Variants in ENTREP1 observed in about 807,000 individuals in gnomAD.
ENTREP1 encodes endosomal transmembrane epsin interactor 1, also known as Friedreich ataxia region gene X123.
chr9:69,392,134 C>T, the ENTREP1 span: 5 of 341,972 alleles, frequency 1.5e-5, no homozygotes, highest in South Asian at 8.6e-5. Context: ...CTTCACCCCT[C>T]GTGTCTCTCT....
the ENTREP1 span, among the ~76,000 whole-genome samples, chr9:69,333,391 A>G: frequency 1.3e-5 from 2 of 151,204 alleles, no homozygotes; most frequent in East Asian, 1.9e-4. Context: ...TGCACCCTCT[A>G]CCTCCTGGGT....
chr9:69,360,082 G>C, the ENTREP1 span, among the ~76,000 whole-genome samples: 1 of 151,400 alleles, frequency 6.6e-6, no homozygotes, highest in Non-Finnish European at 1.5e-5. Context: ...AAGATTATTC[G>C]GCTAGTAAGC....
At chr9:69,332,652 A>C in the ENTREP1 span, among the ~76,000 whole-genome samples, 1 of 152,208 alleles carries the variant, frequency 6.6e-6, no homozygotes, top group South Asian at 2.1e-4. Flanking sequence ...ACCATATGCA[A>C]ACAAAATACC....
At chr9:69,362,487 G>A in the ENTREP1 span, among the ~76,000 whole-genome samples, 180 of 152,236 alleles carry the variant, frequency 1.2e-3, no homozygotes, top group African/African-American at 3.9e-3. Flanking sequence ...AATTCGTTTT[G>A]CATAAAGGCA....
the ENTREP1 span, among the ~76,000 whole-genome samples, chr9:69,373,324 G>A: frequency 6.6e-6 from 1 of 152,138 alleles, no homozygotes; most frequent in South Asian, 2.1e-4. Context: ...AAACCTTTTT[G>A]GGCAAGGGGT....
the ENTREP1 span, among the ~76,000 whole-genome samples, chr9:69,327,909 A>T: frequency 7.7e-6 from 1 of 130,188 alleles, no homozygotes; most frequent in Admixed American, 8.3e-5. Context: ...GAAGCAGTAG[A>T]TACTGTATTT....
the ENTREP1 span, among the ~76,000 whole-genome samples, chr9:69,346,784 G>T: frequency 1.3e-5 from 2 of 152,192 alleles, no homozygotes; most frequent in African/African-American, 4.8e-5. Flanking sequence ...AGCAGGACTT[G>T]CAAAGCTGCT....
chr9:69,388,021 GA>G, the ENTREP1 span: 1 of 1,566,062 alleles, frequency 6.4e-7, no homozygotes, highest in Non-Finnish European at 8.7e-7. Flanking sequence ...TCTGCAAGAT[GA>G]AAAGCAGGAT....
the ENTREP1 span, chr9:69,336,320 G>A: frequency 8.5e-7 from 1 of 1,171,274 alleles, no homozygotes; most frequent in Non-Finnish European, 1.3e-6. Flanking sequence ...TGCTATGTAT[G>A]AAGTCTGTTC....
the ENTREP1 span, among the ~76,000 whole-genome samples, chr9:69,355,862 G>T: frequency 6.6e-6 from 1 of 152,294 alleles, no homozygotes; most frequent in African/African-American, 2.4e-5. Context: ...TAACATGGTG[G>T]CTGGTTTCTG....
At chr9:69,371,282 G>C in the ENTREP1 span, 1 of 587,414 alleles carries the variant, frequency 1.7e-6, no homozygotes. Context: ...ATAAGGACTT[G>C]AGGTTATTGA....
the ENTREP1 span, among the ~76,000 whole-genome samples, chr9:69,377,936 A>G: frequency 6.6e-6 from 1 of 152,192 alleles, no homozygotes; most frequent in Non-Finnish European, 1.5e-5. Flanking sequence ...TGGCTTTTAG[A>G]GAGTCCACCT....
At chr9:69,366,151 T>A in the ENTREP1 span, among the ~76,000 whole-genome samples, 1 of 152,176 alleles carries the variant, frequency 6.6e-6, no homozygotes, top group Non-Finnish European at 1.5e-5. Flanking sequence ...ACCAGCAATG[T>A]ATAACAGTTC....
At chr9:69,377,910 A>G in the ENTREP1 span, among the ~76,000 whole-genome samples, 2 of 152,314 alleles carry the variant, frequency 1.3e-5, no homozygotes, top group African/African-American at 4.8e-5. Flanking sequence ...AAAATCAGCT[A>G]GTGAACCCTG....
chr9:69,383,169 G>A, the ENTREP1 span: 3 of 940,114 alleles, frequency 3.2e-6, no homozygotes, highest in African/African-American at 3.5e-5. Flanking sequence ...TTAAATAGAG[G>A]TGAAACTCAT....
chr9:69,371,750 A>G, the ENTREP1 span: 4 of 642,912 alleles, frequency 6.2e-6, no homozygotes, highest in African/African-American at 5.5e-5. Flanking sequence ...GGAAAACAAA[A>G]CAAAGAGCTG....
chr9:69,356,480 T>C, the ENTREP1 span, among the ~76,000 whole-genome samples: 1 of 67,408 alleles, frequency 1.5e-5, no homozygotes, highest in Non-Finnish European at 3.4e-5. Flanking sequence ...CTGTGATCTT[T>C]GTGGTTGGGG....
the ENTREP1 span, chr9:69,383,685 G>A: frequency 6.2e-7 from 1 of 1,614,114 alleles, no homozygotes; most frequent in Non-Finnish European, 8.5e-7. Flanking sequence ...TCGAATCAAA[G>A]GTGTGGAAGT....
chr9:69,340,765 GTGTGTGTGTGTATGTGTGTGTGCA>G, the ENTREP1 span, among the ~76,000 whole-genome samples: 2 of 121,968 alleles, frequency 1.6e-5, no homozygotes, highest in African/African-American at 3.4e-5. Flanking sequence ...GTGCGTGCAT[GTGTGTGTGTGTATGTGTGTGTGCA>G]TGTGTGTGTG....
Sources: allele counts gnomAD v4.1 joint callset (sites outside exome capture counted in the v4.1 genomes callset), GRCh38; gene constraint gnomAD v4.1.1; transcripts MANE v1.5; gene names NCBI Gene and HGNC (gene_info 2026-07-23, HGNC 2026-07-21).